The following PALM2AKAP2 variants were observed in gnomAD, a reference collection of about 807,000 sequenced individuals.
PALM2AKAP2 encodes PALM2-AKAP2 fusion protein.
Under a neutral mutation model 71.5 loss-of-function variants are expected in PALM2AKAP2, and 37 were observed. That is an observed-to-expected ratio of 0.52 (90% confidence interval 0.40 to 0.68). PALM2AKAP2 has a LOEUF of 0.68. Ranked by LOEUF, PALM2AKAP2 falls within the 30% of genes least tolerant of loss-of-function variation. PALM2AKAP2 has a pLI of 0.00. For synonymous variants in PALM2AKAP2, 468 were observed against 478.8 expected (o/e 0.98, Z 0.29); for missense variants, 1,224 against 1,191.8 (o/e 1.03, Z -0.40).
In PALM2AKAP2 at chr9:109,907,641, C is replaced by A. The variant is rs73657304; in HGVS notation, c.258-16094C>A. 4.0e-3 allele frequency among the ~76,000 whole-genome samples: 604 copies of A among 152,202 alleles called. 3 individuals are homozygous for A. Among genetic ancestry groups the A allele is most frequent in the African/African-American group, 0.012 (489 of 41,528 alleles). On this transcript the variant is annotated intron_variant, in intron 3 of 9. Coordinates refer to the PALM2AKAP2 transcript ENST00000302798. Reference sequence around the variant, plus strand: ...GCAGCCAAGCGGGAAACAATCAGCCCGGCACAACCCATGTGGAGGAGCTTC... The same window carrying A: ...GCAGCCAAGCGGGAAACAATCAGCCAGGCACAACCCATGTGGAGGAGCTTC...
At chr9:109,835,855 C>A (rs1828459859) in intron 1 of PALM2AKAP2, among the ~76,000 whole-genome samples, 5 of 152,204 alleles carry the variant, frequency 3.3e-5, no homozygotes, top group African/African-American at 4.8e-5. Flanking sequence ...ATTGCTGAGG[C>A]TTGAGTAGGT....
At chr9:109,702,678 GC>G (rs1459290082) in intron 1 of PALM2AKAP2, among the ~76,000 whole-genome samples, 1 of 150,830 alleles carries the variant, frequency 6.6e-6, no homozygotes, top group Non-Finnish European at 1.5e-5. Context: ...CACCAACATA[GC>G]ACATGTATAC....
At chr9:109,767,283 G>T (rs1829169156) in intron 1 of PALM2AKAP2, among the ~76,000 whole-genome samples, 1 of 152,110 alleles carries the variant, frequency 6.6e-6, no homozygotes, top group African/African-American at 2.4e-5. Context: ...TCCTGGCTTT[G>T]TCCAAACATT....
Position 110,100,036 on chromosome 9 carries a change from C to T in PALM2AKAP2, c.157-36091C>T, listed in dbSNP as rs944237406. Reference sequence around the variant, plus strand: ...TGTGTGTGTGTCTTAAACATATATGCATATGTATGTGTGTCTATATATATA... The same window carrying T: ...TGTGTGTGTGTCTTAAACATATATGTATATGTATGTGTGTCTATATATATA... On this transcript the variant is annotated intron_variant, in intron 1 of 3. Transcript: ENST00000374525. 1.9e-3 allele frequency among the ~76,000 whole-genome samples: 158 copies of T among 82,616 alleles called. 1 individual carries two copies. Among genetic ancestry groups the T allele is most frequent in the African/African-American group, 6.6e-3 (150 of 22,754 alleles). 54.2% of individuals were successfully genotyped at this position (82,616 alleles called of 152,430 possible).
chr9:109,920,586 A>G (rs1324493992), intron 3 of PALM2AKAP2, among the ~76,000 whole-genome samples: 1 of 151,804 alleles, frequency 6.6e-6, no homozygotes, highest in African/African-American at 2.4e-5. Flanking sequence ...CACCATGTTG[A>G]TCAGGCCAGT....
intron 6 of PALM2AKAP2, among the ~76,000 whole-genome samples, chr9:109,956,519 G>T (rs1831750706): frequency 6.6e-6 from 1 of 152,098 alleles, no homozygotes. Flanking sequence ...ATTTCTTCAA[G>T]AACTTATTTC....
chr9:109,953,844 A>AG (rs1018604657), intron 6 of PALM2AKAP2, among the ~76,000 whole-genome samples: 15 of 151,446 alleles, frequency 9.9e-5, no homozygotes, highest in African/African-American at 3.4e-4. Flanking sequence ...CAAAAAAAAA[A>AG]AAAAAAAAAA....
chr9:109,696,065 T>A (rs1564116346), intron 1 of PALM2AKAP2, among the ~76,000 whole-genome samples: 2 of 152,154 alleles, frequency 1.3e-5, no homozygotes, highest in African/African-American at 2.4e-5. Context: ...AGTAGTAGAC[T>A]CCCAGTTATC....
rs553504200 is a variant in PALM2AKAP2 at position 109,748,193 on chromosome 9, G to A, written c.6-32295G>A. On this transcript the variant is annotated intron_variant, in intron 1 of 6. Transcript: ENST00000374531. ...TCTTTTTTTTCTTTTTTTAACTGTAGCAGAGTGACCAAGCATGCAAAGGAG... is the reference window on the plus strand; with the variant it reads ...TCTTTTTTTTCTTTTTTTAACTGTAACAGAGTGACCAAGCATGCAAAGGAG... 3.3e-5 allele frequency among the ~76,000 whole-genome samples: 5 copies of A among 152,056 alleles called. No individual in the cohort carries two copies. The South Asian group carries it at 6.2e-4, about 19-fold the overall frequency.
intron 1 of PALM2AKAP2, among the ~76,000 whole-genome samples, chr9:109,786,603 T>C (rs1587910608): frequency 6.6e-6 from 1 of 152,282 alleles, no homozygotes; most frequent in South Asian, 2.1e-4. Context: ...ACTGGATAGG[T>C]GACACTTTGG....
At chr9:110,158,908 G>T (rs1836529431) in intron 3 of PALM2AKAP2, among the ~76,000 whole-genome samples, 1 of 152,162 alleles carries the variant, frequency 6.6e-6, no homozygotes, top group Non-Finnish European at 1.5e-5. Flanking sequence ...AATTCAGATT[G>T]CTTCTAAAGC....
At chr9:110,138,584 G>A (rs2119117655) in intron 2 of PALM2AKAP2, 45 bp downstream of exon 8, 2 of 1,510,356 alleles carry the variant, frequency 1.3e-6, no homozygotes, top group Non-Finnish European at 1.8e-6. Context: ...ACAGCAGTCT[G>A]TTGTTGTTGA....
In PALM2AKAP2 at chr9:110,067,479, C is replaced by T. The variant is rs180711939; in HGVS notation, c.156+18624C>T. Among the ~76,000 whole-genome samples, 279 of 152,278 alleles carry T rather than the reference C, an allele frequency of 1.8e-3. 1 individual carries two copies. Among genetic ancestry groups the T allele is most frequent in the South Asian group, 2.9e-3 (14 of 4,818 alleles). On this transcript the variant is annotated intron_variant, in intron 1 of 3. Coordinates refer to ENST00000374525, the Ensembl canonical transcript of PALM2AKAP2. ...ACGCAGGAGTTCATTGACTTCAAGG[C>T]AATTGAATGCATTATTAGCCAGAAG...
At chr9:109,997,786 C>A (rs1005721464) in intron 6 of PALM2AKAP2, among the ~76,000 whole-genome samples, 1 of 152,138 alleles carries the variant, frequency 6.6e-6, no homozygotes, top group Non-Finnish European at 1.5e-5. Flanking sequence ...AGAGCCACCA[C>A]CTGGAGTGGG....
intron 1 of PALM2AKAP2, among the ~76,000 whole-genome samples, chr9:109,712,692 C>G (rs568309412): frequency 6.6e-6 from 1 of 152,310 alleles, no homozygotes; most frequent in South Asian, 2.1e-4. Flanking sequence ...GGCACAGAGG[C>G]TTGGAGTTAC....
Position 109,887,525 on chromosome 9 carries a change from T to G in PALM2AKAP2, c.257+6844T>G, listed in dbSNP as rs182394027. Among the ~76,000 whole-genome samples, 7 of 152,328 alleles carry G rather than the reference T, an allele frequency of 4.6e-5. No individual in the cohort carries two copies. In the East Asian group the frequency reaches 1.3e-3, roughly 29 times the overall value. ...GTAGTGTCTCTATATTGTGTAATAT[T>G]TCCTGTTTTGTCACTCCCTTCTGGG... is the stretch of plus-strand genomic sequence containing the variant. On this transcript the variant is annotated intron_variant, in intron 3 of 9. Transcript: ENST00000302798.
intron 6 of PALM2AKAP2, among the ~76,000 whole-genome samples, chr9:109,947,083 G>A (rs1189915893): frequency 1.3e-5 from 2 of 152,222 alleles, no homozygotes; most frequent in African/African-American, 4.8e-5. Context: ...AGAAGGTAGG[G>A]AATGCCCTTA....
chr9:110,110,528 C>T (rs1835222307), intron 1 of PALM2AKAP2, among the ~76,000 whole-genome samples: 1 of 141,194 alleles, frequency 7.1e-6, no homozygotes, highest in Non-Finnish European at 1.5e-5. Context: ...ATGGTGCATT[C>T]ATGTTTCTGA....
At chr9:110,101,335 G>A (rs966489269) in intron 1 of PALM2AKAP2, among the ~76,000 whole-genome samples, 5 of 152,166 alleles carry the variant, frequency 3.3e-5, no homozygotes, top group African/African-American at 1.2e-4. Flanking sequence ...AAGGGTGGAT[G>A]TCCAGAAATT....
Sources: allele counts gnomAD v4.1 joint callset (sites outside exome capture counted in the v4.1 genomes callset), GRCh38; gene constraint gnomAD v4.1.1; transcripts MANE v1.5; gene names NCBI Gene and HGNC (gene_info 2026-07-23, HGNC 2026-07-21).